DST: variants seen among roughly 807,000 people sequenced by gnomAD.
DST encodes dystonin.
A neutral mutation model predicts 875.2 loss-of-function variants in DST; 253 were observed. That is an observed-to-expected ratio of 0.29 (90% CI 0.26 to 0.32). The LOEUF (loss-of-function observed/expected upper bound fraction) is 0.32. DST is among the 10% of genes least tolerant of loss of function. DST has a pLI of 1.00. For missense variants in DST, 8,287 were observed against 9,111.6 expected (o/e 0.91, Z 3.68); for synonymous variants, 3,124 against 3,197.1 (o/e 0.98, Z 0.77).
At position 56,601,597 on chromosome 6, in the gene DST, T is replaced by C. The variant is rs767274877; in HGVS notation, c.11387A>G (p.Tyr3796Cys). ...TTGGTTGGGAGACAGATCCTGTGCATATTCAGAAATGAAGAACTGCACATC... is the reference window on the plus strand; with the variant it reads ...TTGGTTGGGAGACAGATCCTGTGCACATTCAGAAATGAAGAACTGCACATC... The part of the protein sequence containing the change: ...AFDVQFFISE[Y>C]AQDLSPNQSK... The change falls in exon 44 of 104, where the codon TAT (tyrosine) becomes TGT (cysteine). Residue 3796 changes from tyrosine (Y) to cysteine (C), a missense_variant. Physicochemically the swap from Tyr to Cys is radical, Grantham distance 194. Transcript: ENST00000680361. 2 of 1,601,766 alleles carry C rather than the reference T, an allele frequency of 1.2e-6. No homozygotes were observed. Among genetic ancestry groups the C allele is most frequent in the Non-Finnish European group, 8.5e-7 (1 of 1,174,042 alleles).
At chr6:56,566,101 T>C (rs887624091) in intron 55 of DST, among the ~76,000 whole-genome samples, 4 of 152,172 alleles carry the variant, frequency 2.6e-5, no homozygotes, top group African/African-American at 9.6e-5. Context: ...GCAGTGAGAA[T>C]TTCAAGCCAG....
At chr6:56,652,290 G>T (rs1372712899) in intron 10 of DST, among the ~76,000 whole-genome samples, 1 of 152,176 alleles carries the variant, frequency 6.6e-6, no homozygotes, top group East Asian at 1.9e-4. Flanking sequence ...TTCACTCAAG[G>T]CTAGAAGCCA....
intron 102 of DST, among the ~76,000 whole-genome samples, chr6:56,462,552 T>C (rs933412745): frequency 1.3e-5 from 2 of 152,150 alleles, no homozygotes; most frequent in East Asian, 3.8e-4. Flanking sequence ...CAGGTATAAA[T>C]GTAACAGACA....
chr6:56,535,053 C>A, intron 63 of DST, 69 bp downstream of exon 63: 1 of 1,559,174 alleles, frequency 6.4e-7, no homozygotes, highest in South Asian at 1.2e-5. Context: ...AAAAGAGTCA[C>A]AATTTGCATT....
At chr6:56,593,338 AC>A (rs1278689873) in intron 48 of DST, among the ~76,000 whole-genome samples, 3 of 151,540 alleles carry the variant, frequency 2.0e-5, no homozygotes, top group African/African-American at 7.3e-5. Context: ...ATACAGTGAA[AC>A]CCCATCTCTA....
At chr6:56,464,058 G>A in intron 100 of DST, 1 of 451,418 alleles carries the variant, frequency 2.2e-6, no homozygotes, top group South Asian at 2.0e-5. Flanking sequence ...CATGAAAATG[G>A]AAAGCTCATG....
Position 56,714,663 on chromosome 6 carries a change from G to GA in DST, c.688-10295dup, listed in dbSNP as rs1347113410. On this transcript the variant is annotated intron_variant, in intron 5 of 103. Coordinates refer to ENST00000680361, the MANE Select transcript of DST (RefSeq NM_001374736.1). The surrounding 1 kb of genome is among the most constrained non-coding windows in gnomAD (Gnocchi z 4.5). ...CCACATAACAGCTATGGGTTTACTG[G>GA]AAGATGCTCAGGTCCCAGTGCCCTA... 2.0e-5 allele frequency among the ~76,000 whole-genome samples: 3 copies of GA among 152,188 alleles called. No homozygotes were observed. Among genetic ancestry groups the GA allele is most frequent in the Non-Finnish European group, 2.9e-5 (2 of 68,028 alleles).
intron 4 of DST, among the ~76,000 whole-genome samples, chr6:56,815,796 A>G (rs2099765779): frequency 8.7e-6 from 1 of 115,402 alleles, no homozygotes; most frequent in South Asian, 3.3e-4. Context: ...AATTACCCAA[A>G]CAATATCAAT....
At position 56,657,894 on chromosome 6, in the gene DST, T is replaced by C. The variant is rs2099018126; in HGVS notation, c.1215-6650A>G. On this transcript the variant is annotated intron_variant, in intron 10 of 103. Coordinates refer to ENST00000680361, the MANE Select transcript of DST (RefSeq NM_001374736.1). ...AATTCTCCTGCCTCAGCCTCCCAAGTAGTTGGGATTACAGGCACCTACCAC... is the reference window on the plus strand; with the variant it reads ...AATTCTCCTGCCTCAGCCTCCCAAGCAGTTGGGATTACAGGCACCTACCAC... Among the ~76,000 whole-genome samples the C allele has an allele frequency of 2.0e-5, 3 of 150,028 alleles. No individual in the cohort carries two copies. The South Asian group carries it at 6.4e-4, about 32-fold the overall frequency.
intron 5 of DST, among the ~76,000 whole-genome samples, chr6:56,734,516 G>A (rs1413357320): frequency 6.6e-6 from 1 of 152,162 alleles, no homozygotes; most frequent in East Asian, 1.9e-4. Flanking sequence ...CTCCTTAAAA[G>A]GTGGGAGAAA....
chr6:56,757,188 A>G (rs1185307659), intron 4 of DST, among the ~76,000 whole-genome samples: 2 of 152,250 alleles, frequency 1.3e-5, no homozygotes, highest in East Asian at 3.8e-4. Context: ...TATACACTAG[A>G]AATGGGATTT....
intron 36 of DST, chr6:56,617,549 A>C: frequency 1.2e-6 from 1 of 822,414 alleles, no homozygotes; most frequent in Admixed American, 2.0e-5. Flanking sequence ...ATTTCAAACC[A>C]AGGAGGGTTC....
chr6:56,778,580 G>A (rs1314626143), intron 4 of DST, among the ~76,000 whole-genome samples: 1 of 126,180 alleles, frequency 7.9e-6, no homozygotes, highest in East Asian at 2.3e-4. Flanking sequence ...TCCCCTTCCT[G>A]TGTCCATGTG....
At position 56,608,112 on chromosome 6, in the gene DST, T is replaced by C. The variant is rs2098514199; in HGVS notation, c.6516A>G (p.Thr2172=). ...WLSFCKFQPS[T]VHDYRQEEDV... Reference sequence around the variant, plus strand: ...CCTCTTCTTGTCTGTAATCATGAACTGTGGAGGGTTGAAATTTACAAAAAG... The same window carrying C: ...CCTCTTCTTGTCTGTAATCATGAACCGTGGAGGGTTGAAATTTACAAAAAG... Residue 2172 remains threonine, a synonymous_variant, in exon 40 of 104, where the codon ACA becomes ACG. Coordinates refer to ENST00000680361, the MANE Select transcript of DST (RefSeq NM_001374736.1). 1.2e-5 allele frequency: 20 copies of C among 1,613,726 alleles called. No individual in the cohort carries two copies. Among genetic ancestry groups the C allele is most frequent in the Non-Finnish European group, 1.7e-5 (20 of 1,179,770 alleles).
At chr6:56,838,570 A>C (rs896796371) in intron 4 of DST, among the ~76,000 whole-genome samples, 10 of 152,176 alleles carry the variant, frequency 6.6e-5, no homozygotes, top group Non-Finnish European at 1.2e-4. Context: ...CAAAAAAAAA[A>C]CCTAGAAGTT....
At chr6:56,484,423 A>G (rs1373332899) in intron 88 of DST, 1 of 152,176 alleles carries the variant, frequency 6.6e-6, no homozygotes, top group East Asian at 1.9e-4. Context: ...AAAAGGAAAA[A>G]TAAATATGTA....
In DST at chr6:56,639,752, T is replaced by G; in HGVS notation, c.2641A>C (p.Lys881Gln). The change falls in exon 20 of 104, where the codon AAA becomes CAA. Residue 881 changes from lysine to glutamine, a missense_variant. Around this residue, in one of 10 missense-constraint regions of DST, gnomAD observed 1,160 missense variants for 1,424.3 expected, o/e 0.81. Coordinates refer to ENST00000680361, the MANE Select transcript of DST (RefSeq NM_001374736.1). ...TGCAACTTTTCTGCATAAGTCAGTT[T>G]AAGAGGTGCTGTCATTTGAATCTAT... ...ISEIQMTAPL[K>Q]LTYAEKLHRL... is the part of the protein sequence containing the mutation. 1 of 1,613,878 alleles carries G rather than the reference T, an allele frequency of 6.2e-7. No homozygotes were observed. The highest frequency in any genetic ancestry group is 8.5e-7 in the Non-Finnish European group (1 of 1,179,828).
chr6:56,950,763 ATTAAT>A (rs961544693), intron 2 of DST, among the ~76,000 whole-genome samples: 1 of 152,242 alleles, frequency 6.6e-6, no homozygotes, highest in Non-Finnish European at 1.5e-5. Flanking sequence ...TGCTAGCTGC[ATTAAT>A]TATTTCACAT....
In DST at chr6:56,529,626, T is replaced by C; in HGVS notation, c.17417A>G (p.Gln5806Arg). The change falls in exon 66 of 104, where the codon CAA (glutamine) becomes CGA (arginine). Residue 5806 changes from glutamine to arginine, a missense_variant. Physicochemically the swap from Gln to Arg is conservative, Grantham distance 43. This residue lies in a region of DST where 777 missense variants were observed against 764.8 expected (regional missense o/e 1.02). Transcript: ENST00000680361. ...CTCAGACCTGCTGTGACTTTTCTCT[T>C]GAATCTCAATGTACCATACTTGAGA... ...DFSQVWYIEIQEKSHSRSELL... is the reference protein window; with the variant it reads ...DFSQVWYIEIREKSHSRSELL... The C allele has an allele frequency of 6.2e-7, 1 of 1,613,824 alleles. No individual in the cohort carries two copies. The highest frequency in any genetic ancestry group is 8.5e-7 in the Non-Finnish European group (1 of 1,179,784).
Sources: gnomAD v4.1 joint callset for allele counts (sites outside exome capture counted in the v4.1 genomes callset) on GRCh38, gnomAD v4.1.1 for gene constraint, gnomAD v4.1.1 regional missense constraint, Gnocchi (gnomAD v3.1) non-coding constraint, MANE v1.5 for transcripts, NCBI Gene and HGNC (gene_info 2026-07-23, HGNC 2026-07-21) for gene names.